Variants in GOLGA4 observed in about 807,000 individuals in gnomAD.
The protein encoded by GOLGA4 is golgin subfamily A member 4.
In GOLGA4, 169 loss-of-function variants were observed where a neutral mutation model predicts 265.9. That is an observed-to-expected ratio of 0.64 (90% CI 0.56 to 0.72). The LOEUF is 0.72. Among genes scored for constraint, GOLGA4 ranks in the 30% least tolerant of loss-of-function variants. The pLI is 0.00. For synonymous variants in GOLGA4, 923 were observed against 855.8 expected, an observed-to-expected ratio of 1.08 and a Z score of -1.37; for missense variants, 2,482 against 2,483.4, an observed-to-expected ratio of 1.00 and a Z score of 0.01.
At chr3:37,282,336 T>C (rs2096837085) in intron 3 of GOLGA4, 64 bp downstream of exon 3, 3 of 1,161,044 alleles carry the variant, frequency 2.6e-6, no homozygotes, top group Non-Finnish European at 3.8e-6. Context: ...TTCATATTAC[T>C]GTATTGCTTT....
intron 20 of GOLGA4, among the ~76,000 whole-genome samples, chr3:37,346,444 CT>C (rs1361552850): frequency 3.3e-5 from 5 of 152,080 alleles, no homozygotes; most frequent in African/African-American, 7.2e-5. Flanking sequence ...ATGTAAATTA[CT>C]TTTTTTATCT....
Position 37,285,912 on chromosome 3 carries a change from T to C in GOLGA4, c.478-102T>C, listed in dbSNP as rs904151088. On this transcript the variant is annotated intron_variant, in intron 3 of 23. Transcript: ENST00000361924. The stretch of plus-strand genomic sequence containing the variant: ...ATTAGGTTATCCTATTAAGGACTCT[T>C]CTAATTTATTTTTTGACTTTCATAA... The C allele has an allele frequency of 9.2e-6, 6 of 650,812 alleles. No homozygotes were observed. The Admixed American group carries it at 1.5e-4, about 17-fold the overall frequency. 40.3% of individuals were successfully genotyped at this position (650,812 alleles called of 1,614,324 possible).
Position 37,243,341 on chromosome 3 carries a change from G to A in GOLGA4, c.-210G>A. 1 of 577,520 alleles carries A rather than the reference G, an allele frequency of 1.7e-6. No individual in the cohort carries two copies. The highest frequency in any genetic ancestry group is 3.1e-5 in the East Asian group (1 of 32,252). 35.8% of individuals were successfully genotyped at this position (577,520 alleles called of 1,614,324 possible). ...GGATGGGGGGCCGAGGCCAGCCAGTGGCACCCGGAAGAAAGAGACGCGGCG... is the reference window on the plus strand; with the variant it reads ...GGATGGGGGGCCGAGGCCAGCCAGTAGCACCCGGAAGAAAGAGACGCGGCG... On this transcript the variant is annotated 5_prime_UTR_variant, in exon 1 of 24. Coordinates refer to ENST00000361924, the MANE Select transcript of GOLGA4 (RefSeq NM_002078.5).
intron 1 of GOLGA4, among the ~76,000 whole-genome samples, chr3:37,247,020 A>G (rs1170679267): frequency 6.6e-6 from 1 of 152,250 alleles, no homozygotes; most frequent in Non-Finnish European, 1.5e-5. Context: ...AGTTTACTAA[A>G]TAGTTTCAGT....
Sources: allele counts gnomAD v4.1 joint callset (sites outside exome capture counted in the v4.1 genomes callset), GRCh38; gene constraint gnomAD v4.1.1; transcripts MANE v1.5; gene names NCBI Gene and HGNC (gene_info 2026-07-23, HGNC 2026-07-21).